NCOR2: variants seen among roughly 807,000 people sequenced by gnomAD.
NCOR2 encodes the protein CTG repeat protein 26.
A neutral mutation model predicts 262.9 loss-of-function variants in NCOR2; 81 were observed. That is an observed-to-expected ratio of 0.31 (90% CI 0.26 to 0.37). The LOEUF (loss-of-function observed/expected upper bound fraction) is 0.37. Ranked by LOEUF, NCOR2 falls within the 10% of genes least tolerant of loss-of-function variation. NCOR2 has a pLI of 1.00. For missense variants in NCOR2, 3,385 were observed against 3,621.4 expected, an observed-to-expected ratio of 0.93 and a Z score of 1.68; for synonymous variants, 1,659 against 1,559.3, an observed-to-expected ratio of 1.06 and a Z score of -1.51.
At position 124,432,354 on chromosome 12, in the gene NCOR2, G is replaced by A. The variant is rs1449867762; in HGVS notation, c.883-1567C>T. Among the ~76,000 whole-genome samples, 5 of 152,206 alleles carry A rather than the reference G, an allele frequency of 3.3e-5. No individual in the cohort carries two copies. The highest frequency in any genetic ancestry group is 9.7e-5 in the African/African-American group (4 of 41,438). On this transcript the variant is annotated intron_variant, in intron 8 of 46. Transcript: ENST00000405201. The surrounding 1 kb of genome is among the most constrained non-coding windows in gnomAD (Gnocchi z 5.1). ...GGACACGGTCACCTCCCTTCCTGGTGAACCGGCCACCCAGACCTGGCCTCC... is the reference window on the plus strand; with the variant it reads ...GGACACGGTCACCTCCCTTCCTGGTAAACCGGCCACCCAGACCTGGCCTCC...
chr12:124,333,230 T>A (rs755099933), exon 42 of NCOR2: 2 of 1,613,056 alleles, frequency 1.2e-6, no homozygotes, highest in South Asian at 1.1e-5. Context: ...ACAGGTTCAA[T>A]ACCGTCCTCA....
chr12:124,364,358 G>A (rs531966615), intron 20 of NCOR2, among the ~76,000 whole-genome samples: 3 of 152,314 alleles, frequency 2.0e-5, no homozygotes, highest in African/African-American at 7.2e-5. Context: ...AATGAGCTCC[G>A]GTTACCAGAG....
At chr12:124,449,341 T>C (rs1012507852) in intron 7 of NCOR2, among the ~76,000 whole-genome samples, 2 of 152,162 alleles carry the variant, frequency 1.3e-5, no homozygotes, top group Non-Finnish European at 2.9e-5. Flanking sequence ...ATCTGCCCCA[T>C]AGTGGGCTGT....
chr12:124,422,294 T>A (rs571258712), intron 12 of NCOR2, among the ~76,000 whole-genome samples: 2 of 152,180 alleles, frequency 1.3e-5, no homozygotes, highest in African/African-American at 4.8e-5. Context: ...TCCTCCTCCA[T>A]GGGCCCAGGA....
At chr12:124,472,967 C>T in exon 4 of NCOR2, 1 of 1,614,190 alleles carries the variant, frequency 6.2e-7, no homozygotes. Flanking sequence ...TCTTCTTCAG[C>T]TTAGAGATCT....
chr12:124,495,007 T>C lies in NCOR2; in HGVS notation c.105+140A>G. On this transcript the variant is annotated intron_variant, in intron 1 of 46. Coordinates refer to ENST00000405201, the Ensembl canonical transcript of NCOR2. This position sits in a 1 kb window ranked among gnomAD's most constrained non-coding sequence, Gnocchi z 4.4. ...AAAGGCTTCAGACACCAGGGGTCTC[T>C]GTGGCGGCCTCCCCTCTGCCCTGGG... 2 of 1,004,304 alleles carry C rather than the reference T, an allele frequency of 2.0e-6. No individual in the cohort carries two copies. Among genetic ancestry groups the C allele is most frequent in the Non-Finnish European group, 2.9e-6 (2 of 701,248 alleles). The allele number at this position is 1,004,304 out of a possible 1,614,324, so 62.2% of individuals were successfully genotyped here. A position where few individuals can be genotyped will look rare whatever the true frequency, so the allele number is the denominator to read the frequency against.
chr12:124,511,066 A>G (rs113594534), intron 1 of NCOR2, among the ~76,000 whole-genome samples: 11 of 152,366 alleles, frequency 7.2e-5, no homozygotes, highest in Middle Eastern at 3.4e-3. Context: ...TGCTGAATGC[A>G]TGAACATGCT....
chr12:124,554,290 G>C (rs926729113), intron 1 of NCOR2, among the ~76,000 whole-genome samples: 1 of 152,186 alleles, frequency 6.6e-6, no homozygotes, highest in Non-Finnish European at 1.5e-5. Flanking sequence ...CTGGCAGTGG[G>C]GATGGGTGTC....
chr12:124,459,355 G>A (rs1211753148), intron 5 of NCOR2, among the ~76,000 whole-genome samples: 1 of 152,092 alleles, frequency 6.6e-6, no homozygotes, highest in Admixed American at 6.5e-5. Context: ...TCTCTGGGGT[G>A]TTTCCTTCAC....
chr12:124,370,774 C>T (rs2039434350), intron 20 of NCOR2, among the ~76,000 whole-genome samples: 1 of 152,114 alleles, frequency 6.6e-6, no homozygotes, highest in Non-Finnish European at 1.5e-5. Flanking sequence ...GGAGCAAAGA[C>T]AGAGGCCAGA....
At chr12:124,512,444 TG>T (rs1170378875) in intron 1 of NCOR2, among the ~76,000 whole-genome samples, 1 of 152,252 alleles carries the variant, frequency 6.6e-6, no homozygotes, top group African/African-American at 2.4e-5. Context: ...CTAAGGACAC[TG>T]GTCTTTGGAT....
chr12:124,445,062 G>A (rs1480016290), intron 7 of NCOR2, among the ~76,000 whole-genome samples: 1 of 152,186 alleles, frequency 6.6e-6, no homozygotes, highest in African/African-American at 2.4e-5. Context: ...AAATGAGGCA[G>A]CAGGAGGGAA....
At chr12:124,386,297 C>T (rs1476940873) in intron 16 of NCOR2, among the ~76,000 whole-genome samples, 2 of 152,100 alleles carry the variant, frequency 1.3e-5, no homozygotes, top group Non-Finnish European at 2.9e-5. Context: ...CTACGTGACC[C>T]AGCCCTGACA....
At chr12:124,470,895 A>T (rs1471746854) in intron 4 of NCOR2, among the ~76,000 whole-genome samples, 1 of 152,288 alleles carries the variant, frequency 6.6e-6, no homozygotes, top group Non-Finnish European at 1.5e-5. Context: ...GCCTTGAGCC[A>T]CCTGGCTTCC....
chr12:124,532,732 A>C (rs1798881), intron 1 of NCOR2, among the ~76,000 whole-genome samples: 86,666 of 152,092 alleles, frequency 0.57, 27,707 homozygotes, highest in East Asian at 0.82. Flanking sequence ...CGGGGGACAG[A>C]GAGGCAGAGG....
intron 3 of NCOR2, among the ~76,000 whole-genome samples, chr12:124,479,373 G>GCA (rs200579269): frequency 3.3e-5 from 5 of 151,190 alleles, no homozygotes; most frequent in African/African-American, 4.9e-5. Flanking sequence ...GCACACTCAC[G>GCA]CACACACACA....
At position 124,344,588 on chromosome 12, in the gene NCOR2, C is replaced by T. The variant is rs1000123543; in HGVS notation, c.4714+9G>A. On this transcript the variant is annotated intron_variant, in intron 32 of 46. Transcript: ENST00000405201. ...CCACCCCACTCACGCCCATGCACAC[C>T]CCACTCACCCTCCTGCAGGCGCGGC... 4.1e-6 allele frequency: 6 copies of T among 1,445,964 alleles called. No homozygotes were observed. The Admixed American group carries it at 8.3e-5, about 20-fold the overall frequency. 89.6% of individuals were successfully genotyped at this position (1,445,964 alleles called of 1,614,324 possible).
upstream of NCOR2, among the ~76,000 whole-genome samples, chr12:124,536,975 GCAGA>G (rs1216155394): frequency 3.3e-5 from 5 of 152,214 alleles, no homozygotes; most frequent in African/African-American, 1.2e-4. Flanking sequence ...GGAACCAAGT[GCAGA>G]CACACAGGAC....
At chr12:124,347,004 C>T (rs541496213) in intron 30 of NCOR2, among the ~76,000 whole-genome samples, 154 bp from the exon 33 acceptor site, 87 of 152,322 alleles carry the variant, frequency 5.7e-4, no homozygotes, top group African/African-American at 1.8e-3. Flanking sequence ...TGGGCCTCAG[C>T]TTCTTCACAC....
Sources: gnomAD v4.1 joint callset for allele counts (sites outside exome capture counted in the v4.1 genomes callset) on GRCh38, gnomAD v4.1.1 for gene constraint, Gnocchi (gnomAD v3.1) non-coding constraint, MANE v1.5 for transcripts, NCBI Gene and HGNC (gene_info 2026-07-23, HGNC 2026-07-21) for gene names.